The following SYT17 variants were observed in gnomAD, a reference collection of about 807,000 sequenced individuals.
SYT17 encodes synaptotagmin 17.
A neutral mutation model predicts 46.7 loss-of-function variants in SYT17; 22 were observed. The ratio of observed to expected loss-of-function variants is 0.47; its 90% CI spans 0.34 to 0.67. SYT17 has a LOEUF of 0.67. SYT17 is among the 30% of genes least tolerant of loss of function. The pLI is 0.01. For synonymous variants in SYT17, 251 were observed against 248.4 expected (o/e 1.01, Z -0.10); for missense variants, 519 against 612.8 (o/e 0.85, Z 1.62).
chr16:19,210,491 AT>A (rs35383401), intron 5 of SYT17, among the ~76,000 whole-genome samples: 98,746 of 146,550 alleles, frequency 0.67, 34,622 homozygotes, highest in African/African-American at 0.88. Context: ...TTTAAAGGGT[AT>A]TTTTTTTTTT....
chr16:19,177,420 C>T (rs541784409), intron 3 of SYT17, among the ~76,000 whole-genome samples: 2 of 152,242 alleles, frequency 1.3e-5, no homozygotes, highest in Non-Finnish European at 2.9e-5. Context: ...TAATGCAAAA[C>T]GGTAAGAGAA....
intron 5 of SYT17, among the ~76,000 whole-genome samples, chr16:19,208,881 C>CTTATTT (rs1567213098): frequency 3.7e-5 from 2 of 54,492 alleles, no homozygotes; most frequent in South Asian, 5.6e-4. Flanking sequence ...CTACAAGGAC[C>CTTATTT]TTCTTTTTTT....
intron 7 of SYT17, among the ~76,000 whole-genome samples, chr16:19,257,599 A>G (rs1968669059): frequency 6.6e-6 from 1 of 152,148 alleles, no homozygotes; most frequent in African/African-American, 2.4e-5. Context: ...GTCTCCTCCA[A>G]CAGTTAAGCT....
intron 7 of SYT17, among the ~76,000 whole-genome samples, chr16:19,260,214 G>A (rs1040893936): frequency 6.6e-6 from 1 of 151,744 alleles, no homozygotes; most frequent in African/African-American, 2.4e-5. Context: ...TTCTGGCTGG[G>A]CGCAATGGCT....
intron 5 of SYT17, among the ~76,000 whole-genome samples, chr16:19,222,581 A>T (rs1966360708): frequency 6.6e-6 from 1 of 152,202 alleles, no homozygotes; most frequent in African/African-American, 2.4e-5. Flanking sequence ...GGATGGCAGA[A>T]TAACAGCAGT....
chr16:19,220,612 C>T (rs991389681), intron 5 of SYT17, among the ~76,000 whole-genome samples: 2 of 152,092 alleles, frequency 1.3e-5, no homozygotes, highest in African/African-American at 2.4e-5. Context: ...AATGACACTT[C>T]TTGAAGTATG....
intron 5 of SYT17, among the ~76,000 whole-genome samples, chr16:19,220,428 A>G (rs1318742753): frequency 2.0e-5 from 3 of 150,108 alleles, no homozygotes; most frequent in African/African-American, 7.4e-5. Context: ...CCTCCCAAGT[A>G]GCTGGGATCA....
chr16:19,222,043 G>C (rs1966337326), intron 5 of SYT17, among the ~76,000 whole-genome samples: 1 of 152,054 alleles, frequency 6.6e-6, no homozygotes, highest in African/African-American at 2.4e-5. Flanking sequence ...GAATATGACT[G>C]GAAATTTCCC....
intron 5 of SYT17, among the ~76,000 whole-genome samples, chr16:19,208,262 G>C (rs1845402202): frequency 1.3e-5 from 2 of 152,176 alleles, no homozygotes; most frequent in Admixed American, 1.3e-4. Context: ...CTGGTGGCTT[G>C]AAGAACATAA....
intron 7 of SYT17, among the ~76,000 whole-genome samples, chr16:19,254,635 C>T (rs1968431776): frequency 2.6e-5 from 4 of 152,238 alleles, no homozygotes; most frequent in African/African-American, 9.6e-5. Flanking sequence ...CCCCAAAGCT[C>T]ATGACGTAGA....
chr16:19,205,902 TC>T (rs1965652848), intron 5 of SYT17, among the ~76,000 whole-genome samples: 2 of 152,272 alleles, frequency 1.3e-5, no homozygotes, highest in Non-Finnish European at 2.9e-5. Context: ...TTATGTTTCT[TC>T]CACTTTAATG....
intron 7 of SYT17, among the ~76,000 whole-genome samples, chr16:19,255,658 C>T (rs766815058): frequency 2.0e-5 from 3 of 151,996 alleles, no homozygotes; most frequent in African/African-American, 7.2e-5. Context: ...GGTGAGGTGC[C>T]CCTGTAGTCC....
intron 4 of SYT17, among the ~76,000 whole-genome samples, chr16:19,181,981 A>G (rs1964575178): frequency 6.6e-6 from 1 of 151,016 alleles, no homozygotes; most frequent in South Asian, 2.1e-4. Flanking sequence ...CTCAGGCAAC[A>G]AAAATGAAAC....
chr16:19,207,707 G>T (rs1480207955), intron 5 of SYT17, among the ~76,000 whole-genome samples: 1 of 152,124 alleles, frequency 6.6e-6, no homozygotes, highest in African/African-American at 2.4e-5. Context: ...TCACAGCTTC[G>T]TGGAGCAGAA....
chr16:19,214,260 C>G (rs1966008569), intron 5 of SYT17, among the ~76,000 whole-genome samples: 2 of 152,182 alleles, frequency 1.3e-5, no homozygotes, highest in African/African-American at 2.4e-5. Context: ...AGTTGAGGAG[C>G]TGCTGGACTA....
intron 7 of SYT17, among the ~76,000 whole-genome samples, chr16:19,237,660 G>A (rs762163797): frequency 2.0e-5 from 3 of 152,216 alleles, no homozygotes; most frequent in Non-Finnish European, 2.9e-5. Flanking sequence ...TGCCTATGGG[G>A]TAGCACTGCT....
At chr16:19,201,865 C>T (rs1342417763) in intron 5 of SYT17, among the ~76,000 whole-genome samples, 1 of 152,100 alleles carries the variant, frequency 6.6e-6, no homozygotes, top group African/African-American at 2.4e-5. Flanking sequence ...CCAGGGGATA[C>T]TCACTGTGTG....
At chr16:19,172,264 C>A in intron 1 of SYT17, 1 of 1,099,916 alleles carries the variant, frequency 9.1e-7, no homozygotes, top group South Asian at 3.4e-5. Flanking sequence ...ATAGGAAACA[C>A]CCCACCATCA....
intron 7 of SYT17, among the ~76,000 whole-genome samples, chr16:19,241,885 C>T (rs746029958): frequency 3.3e-5 from 5 of 152,322 alleles, no homozygotes; most frequent in Middle Eastern, 3.4e-3. Flanking sequence ...CACCACTGCC[C>T]GTTCCCCGCA....
Sources: allele counts gnomAD v4.1 joint callset (sites outside exome capture counted in the v4.1 genomes callset), GRCh38; gene constraint gnomAD v4.1.1; transcripts MANE v1.5; gene names NCBI Gene and HGNC (gene_info 2026-07-23, HGNC 2026-07-21).